The following ZC3H13 variants were observed in gnomAD, a reference collection of about 807,000 sequenced individuals.
The protein encoded by ZC3H13 is zinc finger CCCH-type containing 13.
In ZC3H13, 64 loss-of-function variants were observed where a neutral mutation model predicts 204.1. That is an observed-to-expected ratio of 0.31 (90% CI 0.26 to 0.39). The LOEUF (loss-of-function observed/expected upper bound fraction) is 0.39. ZC3H13 is among the 10% of genes least tolerant of loss of function. ZC3H13 has a pLI of 1.00. For missense variants in ZC3H13, 1,833 were observed against 2,082.7 expected, an observed-to-expected ratio of 0.88 and a Z score of 2.33; for synonymous variants, 667 against 693.7, an observed-to-expected ratio of 0.96 and a Z score of 0.60.
At position 45,967,494 on chromosome 13, in the gene ZC3H13, T is replaced by C. The variant is rs1389693181; in HGVS notation, c.4321+10A>G. The C allele has an allele frequency of 2.0e-6, 3 of 1,533,410 alleles. No individual in the cohort carries two copies. Among genetic ancestry groups the C allele is most frequent in the Non-Finnish European group, 1.7e-6 (2 of 1,145,484 alleles). 95.0% of individuals were successfully genotyped at this position (1,533,410 alleles called of 1,614,324 possible). On this transcript the variant is annotated intron_variant, in intron 15 of 18. Coordinates refer to ENST00000679008, the MANE Select transcript of ZC3H13 (RefSeq NM_001330564.2). ...AAAGCAGTATCACAGACAACAGAGG[T>C]AGCACTCACCTTCCAGACTCTCAGT... is the stretch of plus-strand genomic sequence containing the variant.
At chr13:46,016,367 A>G (rs2041909071) in intron 5 of ZC3H13, among the ~76,000 whole-genome samples, 1 of 152,210 alleles carries the variant, frequency 6.6e-6, no homozygotes, top group African/African-American at 2.4e-5. Flanking sequence ...TGGCATATTC[A>G]TACAATAAAA....
At position 45,974,762 on chromosome 13, in the gene ZC3H13, C is replaced by T. The variant is rs372200542; in HGVS notation, c.2468+521G>A. Among the ~76,000 whole-genome samples, 23 of 152,256 alleles carry T rather than the reference C, an allele frequency of 1.5e-4. No homozygotes were observed. In the East Asian group the frequency reaches 2.3e-3, roughly 15 times the overall value. Reference sequence around the variant, plus strand: ...ATCATCAGAATGGCACAGGTGATATCCCTTGGTGACTAGTCTAGGGGATGT... The same window carrying T: ...ATCATCAGAATGGCACAGGTGATATTCCTTGGTGACTAGTCTAGGGGATGT... On this transcript the variant is annotated intron_variant, in intron 12 of 18. Coordinates refer to ENST00000679008, the MANE Select transcript of ZC3H13 (RefSeq NM_001330564.2).
At chr13:45,967,396 G>T in intron 15 of ZC3H13, 108 bp downstream of exon 15, 1 of 1,229,934 alleles carries the variant, frequency 8.1e-7, no homozygotes. Context: ...AATGGAGAAT[G>T]GAGTCAATTT....
At position 45,957,226 on chromosome 13, in the gene ZC3H13, T is replaced by C; in HGVS notation, c.4911A>G (p.Leu1637=). The change falls in exon 19 of 19, where the codon TTA becomes TTG. Residue 1637 remains leucine (L), a synonymous_variant. Transcript: ENST00000679008. The stretch of plus-strand genomic sequence containing the variant: ...CATGGCAAGTAGTCTTCCGCTTAAA[T>C]AACCGAAGACTCAATCGAAGTAATT... ...DNELLRLSLR[L]FKRKTTCHAP... 2 of 1,549,050 alleles carry C rather than the reference T, an allele frequency of 1.3e-6. No homozygotes were observed. Among genetic ancestry groups the C allele is most frequent in the Non-Finnish European group, 8.7e-7 (1 of 1,146,152 alleles).
chr13:46,018,137 AAAG>A (rs1182541747), intron 5 of ZC3H13, among the ~76,000 whole-genome samples: 2 of 152,154 alleles, frequency 1.3e-5, no homozygotes, highest in African/African-American at 4.8e-5. Flanking sequence ...ATAGAAGCCA[AAAG>A]AAGAGTCTTT....
chr13:45,954,757 A>C lies in ZC3H13; in HGVS notation c.*2370T>G, dbSNP rs1345676703. ...AATGCCACTTACAGAACAGATTTTC[A>C]AGTTAATAAGTCATAAAATCCTAAT... On this transcript the variant is annotated 3_prime_UTR_variant, in exon 19 of 19. Coordinates refer to ENST00000679008, the MANE Select transcript of ZC3H13 (RefSeq NM_001330564.2). 1.3e-5 allele frequency: 2 copies of C among 152,242 alleles called. No individual in the cohort carries two copies. The highest frequency in any genetic ancestry group is 1.5e-5 in the Non-Finnish European group (1 of 68,044). The allele number at this position is 152,242 out of a possible 1,614,324, so 9.4% of individuals were successfully genotyped here. A position where few individuals can be genotyped will look rare whatever the true frequency, so the allele number is the denominator to read the frequency against.
At chr13:46,010,613 T>C in intron 6 of ZC3H13, 108 bp from the exon 7 acceptor site, 1 of 1,226,016 alleles carries the variant, frequency 8.2e-7, no homozygotes, top group Non-Finnish European at 1.1e-6. Context: ...TTAAATATTA[T>C]TGCCGGGTGC....
In ZC3H13 at chr13:46,009,148, G is replaced by C. The variant is rs537200957; in HGVS notation, c.746+1200C>G. ...ACTTATGTTCCATAAAGAGAAATGG[G>C]AAAACTTAAAATTTGAGCTAGAGAT... On this transcript the variant is annotated intron_variant, in intron 7 of 18. Transcript: ENST00000679008. Among the ~76,000 whole-genome samples, 195 of 152,182 alleles carry C rather than the reference G, an allele frequency of 1.3e-3. 1 individual carries two copies. The highest frequency in any genetic ancestry group is 3.4e-3 in the Middle Eastern group (1 of 294).
At chr13:46,041,773 T>C (rs142926406) in intron 4 of ZC3H13, among the ~76,000 whole-genome samples, 7 of 152,248 alleles carry the variant, frequency 4.6e-5, no homozygotes, top group African/African-American at 1.4e-4. Context: ...CCCCATGTGT[T>C]TTGCTTTCAT....
At chr13:46,007,332 G>A (rs2041227168) in intron 7 of ZC3H13, among the ~76,000 whole-genome samples, 1 of 152,120 alleles carries the variant, frequency 6.6e-6, no homozygotes, top group Admixed American at 6.5e-5. Flanking sequence ...GTAAACTATA[G>A]AGCTAAATAA....
Position 46,031,040 on chromosome 13 carries a change from T to C in ZC3H13, c.340-10483A>G, listed in dbSNP as rs372607293. Among the ~76,000 whole-genome samples, 4 of 152,164 alleles carry C rather than the reference T, an allele frequency of 2.6e-5. No individual in the cohort carries two copies. The East Asian group carries it at 7.7e-4, about 29-fold the overall frequency. ...GACTTCAACACTTCCTATAAAGCTATAGCAATCAAGACAGTGTGGGACGGG... is the reference window on the plus strand; with the variant it reads ...GACTTCAACACTTCCTATAAAGCTACAGCAATCAAGACAGTGTGGGACGGG... On this transcript the variant is annotated intron_variant, in intron 4 of 18. Coordinates refer to ENST00000679008, the MANE Select transcript of ZC3H13 (RefSeq NM_001330564.2).
At chr13:45,986,892 C>A (rs982844478) in intron 9 of ZC3H13, among the ~76,000 whole-genome samples, 9 of 152,124 alleles carry the variant, frequency 5.9e-5, no homozygotes, top group African/African-American at 1.7e-4. Flanking sequence ...GGCCCTTAGA[C>A]CCTCATCAAT....
At chr13:45,960,838 A>T (rs1951629443) in intron 17 of ZC3H13, among the ~76,000 whole-genome samples, 1 of 152,230 alleles carries the variant, frequency 6.6e-6, no homozygotes, top group Non-Finnish European at 1.5e-5. Flanking sequence ...TTTTACTGAG[A>T]ACAAAATGAA....
intron 9 of ZC3H13, among the ~76,000 whole-genome samples, chr13:45,988,150 TCAAAAGACA>T (rs2039686409): frequency 1.3e-5 from 2 of 152,316 alleles, no homozygotes; most frequent in African/African-American, 4.8e-5. Flanking sequence ...CTCCTTGTTT[TCAAAAGACA>T]TTAACTCAGT....
intron 17 of ZC3H13, chr13:45,962,239 C>T (rs1951743104): frequency 1.0e-6 from 1 of 985,198 alleles, no homozygotes; most frequent in Non-Finnish European, 1.2e-6. Context: ...ATACAACCAC[C>T]ATAGCAGCAA....
intron 7 of ZC3H13, among the ~76,000 whole-genome samples, chr13:46,008,951 A>G (rs1231163168): frequency 6.6e-6 from 1 of 152,186 alleles, no homozygotes; most frequent in Non-Finnish European, 1.5e-5. Context: ...TTCTATGTCA[A>G]GTAGGCACTA....
intron 5 of ZC3H13, among the ~76,000 whole-genome samples, chr13:46,013,434 A>T (rs965565797): frequency 1.2e-4 from 18 of 152,022 alleles, no homozygotes; most frequent in African/African-American, 4.3e-4. Flanking sequence ...AACAAAATAA[A>T]TAAAAAGTCT....
rs2041461705 is a variant in ZC3H13, at chr13:46,010,359, C to T, written c.735G>A (p.Leu245=). 1 of 1,611,776 alleles carries T rather than the reference C, an allele frequency of 6.2e-7. No individual in the cohort carries two copies. The highest frequency in any genetic ancestry group is 8.5e-7 in the Non-Finnish European group (1 of 1,178,372). Residue 245 remains leucine (L), a synonymous_variant, in exon 7 of 19, where the codon TTG becomes TTA. Coordinates refer to ENST00000679008, the MANE Select transcript of ZC3H13 (RefSeq NM_001330564.2). ...ATCACCCTACTGACCTCTGCTGGTCCAACAGGGGAGAAGATACTGCAGATG... is the reference window on the plus strand; with the variant it reads ...ATCACCCTACTGACCTCTGCTGGTCTAACAGGGGAGAAGATACTGCAGATG... ...RKTSAVSSPL[L]DQQRNSKTNQ...
chr13:45,965,481 G>T (rs778475891), intron 15 of ZC3H13, 49 bp from the exon 16 acceptor site: 1 of 1,594,198 alleles, frequency 6.3e-7, no homozygotes, highest in Non-Finnish European at 8.5e-7. Context: ...AAAGGGAGAG[G>T]ATGACTAAGT....
Sources: gnomAD v4.1 joint callset for allele counts (sites outside exome capture counted in the v4.1 genomes callset) on GRCh38, gnomAD v4.1.1 for gene constraint, MANE v1.5 for transcripts, NCBI Gene and HGNC (gene_info 2026-07-23, HGNC 2026-07-21) for gene names.